The following HNRNPUL1 variants were observed in gnomAD, a reference collection of about 807,000 sequenced individuals.
The protein encoded by HNRNPUL1 is heterogeneous nuclear ribonucleoprotein U like 1, also known as heterogeneous nuclear ribonucleoprotein U-like protein 1.
In HNRNPUL1, 14 loss-of-function variants were observed where a neutral mutation model predicts 108.5. The ratio of observed to expected loss-of-function variants is 0.13; its 90% confidence interval spans 0.09 to 0.20. The LOEUF (loss-of-function observed/expected upper bound fraction) is 0.20, where lower values mean the gene tolerates loss of function less well. Among genes scored for constraint, HNRNPUL1 ranks in the 10% least tolerant of loss-of-function variants. The probability of loss-of-function intolerance (pLI) is 1.00; values close to 1 mark genes in which losing one functional copy is unlikely to be tolerated. For missense variants in HNRNPUL1, 804 were observed against 1,168.3 expected (o/e 0.69, Z 4.55); for synonymous variants, 422 against 445.2 (o/e 0.95, Z 0.66).
chr19:41,294,285 C>G lies in HNRNPUL1; in HGVS notation c.1267-53C>G. 6.2e-7 allele frequency: 1 copy of G among 1,602,380 alleles called. No homozygotes were observed. Among genetic ancestry groups the G allele is most frequent in the Non-Finnish European group, 8.5e-7 (1 of 1,172,234 alleles). ...GTCACACTCACAGTCACCACCGAGC[C>G]AAGTGGTGCCATACCACCATGCCGC... On this transcript the variant is annotated intron_variant, in intron 8 of 14. Transcript: ENST00000392006. The surrounding 1 kb of genome is among the most constrained non-coding windows in gnomAD (Gnocchi z 4.3).
At chr19:41,281,376 C>G (rs1051731601) in intron 7 of HNRNPUL1, 101 bp downstream of exon 7, 11 of 720,026 alleles carry the variant, frequency 1.5e-5, no homozygotes, top group Non-Finnish European at 2.5e-5. Flanking sequence ...TATCCAGCCA[C>G]TCTCGCCATA....
intron 7 of HNRNPUL1, among the ~76,000 whole-genome samples, chr19:41,284,763 C>T (rs2036113659): frequency 1.3e-5 from 2 of 152,030 alleles, no homozygotes; most frequent in African/African-American, 2.4e-5. Context: ...TTTGGGCGGC[C>T]AAGGAGGGCA....
intron 3 of HNRNPUL1, among the ~76,000 whole-genome samples, chr19:41,273,083 G>C (rs191048398): frequency 6.6e-6 from 1 of 152,208 alleles, no homozygotes; most frequent in Admixed American, 6.5e-5. Context: ...CCTCATATGG[G>C]GTTCTTCCAC....
At chr19:41,271,643 T>A (rs1023228238) in intron 2 of HNRNPUL1, among the ~76,000 whole-genome samples, 1 of 152,192 alleles carries the variant, frequency 6.6e-6, no homozygotes, top group African/African-American at 2.4e-5. Flanking sequence ...TATCCCATCC[T>A]GACTTTCTGT....
intron 5 of HNRNPUL1, among the ~76,000 whole-genome samples, chr19:41,277,224 T>C (rs2035618899): frequency 6.6e-6 from 1 of 152,244 alleles, no homozygotes; most frequent in African/African-American, 2.4e-5. Flanking sequence ...TACCTGTGGT[T>C]TGTGTATCCA....
At chr19:41,288,072 C>CA (rs913427887) in intron 7 of HNRNPUL1, among the ~76,000 whole-genome samples, 8 of 149,396 alleles carry the variant, frequency 5.4e-5, no homozygotes, top group Non-Finnish European at 8.9e-5. Flanking sequence ...ATAGGGTTTC[C>CA]AAAAAAAAAT....
intron 10 of HNRNPUL1, among the ~76,000 whole-genome samples, chr19:41,296,428 CT>C (rs2036900214): frequency 6.6e-6 from 1 of 152,174 alleles, no homozygotes; most frequent in Non-Finnish European, 1.5e-5. Context: ...GCCAAGAGAT[CT>C]TGGCCAACAA....
intron 2 of HNRNPUL1, 108 bp downstream of exon 2, chr19:41,268,453 T>C: frequency 8.3e-7 from 1 of 1,207,294 alleles, no homozygotes; most frequent in Non-Finnish European, 1.1e-6. Flanking sequence ...TCTTTTTTCT[T>C]GGGCAGTTCA....
chr19:41,297,279 A>G (rs977859435), intron 10 of HNRNPUL1, among the ~76,000 whole-genome samples: 3 of 152,166 alleles, frequency 2.0e-5, no homozygotes, highest in Admixed American at 1.3e-4. Context: ...GGTTGGGGCC[A>G]TGGTGGGAAT....
At position 41,276,384 on chromosome 19, in the gene HNRNPUL1, A is replaced by G. The variant is rs1014298530; in HGVS notation, c.786+86A>G. On this transcript the variant is annotated intron_variant, in intron 5 of 14. Transcript: ENST00000392006. Reference sequence around the variant, plus strand: ...ACCAGCCACCTTGGTCAGAGCTGCAACTGCAAAAGAGATTGGATTGTGCAA... The same window carrying G: ...ACCAGCCACCTTGGTCAGAGCTGCAGCTGCAAAAGAGATTGGATTGTGCAA... 1.8e-5 allele frequency: 26 copies of G among 1,430,838 alleles called. 1 individual carries two copies. In the South Asian group the frequency reaches 3.2e-4, roughly 17 times the overall value. The allele number at this position is 1,430,838 out of a possible 1,614,324, so 88.6% of individuals were successfully genotyped here.
intron 11 of HNRNPUL1, 87 bp from the exon 12 acceptor site, chr19:41,302,578 G>C: frequency 6.6e-7 from 1 of 1,507,370 alleles, no homozygotes; most frequent in South Asian, 1.1e-5. Flanking sequence ...CCTTCTGGAA[G>C]GCCACTCTTC....
chr19:41,279,971 G>GTA (rs2035809544), intron 6 of HNRNPUL1, among the ~76,000 whole-genome samples: 1 of 152,070 alleles, frequency 6.6e-6, no homozygotes, highest in African/African-American at 2.4e-5. Flanking sequence ...GCAGCTTTTT[G>GTA]ACTACTGCAT....
intron 11 of HNRNPUL1, among the ~76,000 whole-genome samples, chr19:41,302,214 G>T (rs61608686): frequency 5.8e-4 from 54 of 92,420 alleles, no homozygotes; most frequent in South Asian, 9.0e-4. Context: ...CTCTCTCTCT[G>T]TTTTTTTTTT....
At chr19:41,274,115 CT>C in intron 4 of HNRNPUL1, 60 bp downstream of exon 4, 2 of 1,390,020 alleles carry the variant, frequency 1.4e-6, no homozygotes, top group Non-Finnish European at 1.0e-6. Context: ...AAATTGTGGT[CT>C]TGACCTTCAC....
chr19:41,291,991 A>G, intron 7 of HNRNPUL1: 3 of 441,852 alleles, frequency 6.8e-6, no homozygotes, highest in Non-Finnish European at 1.2e-5. Context: ...AAAAAAAAAA[A>G]AACAAAAAAA....
chr19:41,302,772 C>T lies in HNRNPUL1; in HGVS notation c.1795C>T (p.Arg599Cys), dbSNP rs1456226114. 3.7e-6 allele frequency: 6 copies of T among 1,613,586 alleles called. No individual in the cohort carries two copies. Among genetic ancestry groups the T allele is most frequent in the Admixed American group, 3.3e-5 (2 of 60,012 alleles). ...AGTGAGGCAGTACAACGAGGAAGGCCGCAAGGCTGGGCCACCCCCTGAAAA... is the reference window on the plus strand; with the variant it reads ...AGTGAGGCAGTACAACGAGGAAGGCTGCAAGGCTGGGCCACCCCCTGAAAA... ...KLVRQYNEEG[R>C]KAGPPPEKRF... Residue 599 changes from arginine to cysteine, a missense_variant, in exon 12 of 15, where the codon CGC becomes TGC. Coordinates refer to ENST00000392006, the MANE Select transcript of HNRNPUL1 (RefSeq NM_007040.6).
chr19:41,268,102 ATAT>A (rs1205867614), intron 1 of HNRNPUL1, 118 bp from the exon 2 acceptor site: 5 of 930,418 alleles, frequency 5.4e-6, no homozygotes, highest in South Asian at 5.2e-5. Context: ...TGAATAGTTA[ATAT>A]TATTATTCTT....
chr19:41,305,792 C>G lies in HNRNPUL1; in HGVS notation c.2379C>G (p.Asn793Lys). 1 of 1,611,850 alleles carries G rather than the reference C, an allele frequency of 6.2e-7. No individual in the cohort carries two copies. The highest frequency in any genetic ancestry group is 8.5e-7 in the Non-Finnish European group (1 of 1,178,292). Residue 793 changes from asparagine to lysine, a missense_variant, in exon 14 of 15, where the codon AAC (asparagine) becomes AAG (lysine). Around this residue, in one of 4 missense-constraint regions of HNRNPUL1, gnomAD observed 294 missense variants for 388.3 expected, o/e 0.76. Transcript: ENST00000392006. ...AYNYGSYGGY[N>K]PAPYTPPPPP... is the part of the protein sequence containing the mutation. The stretch of plus-strand genomic sequence containing the variant: ...ACTATGGGAGCTACGGCGGTTACAA[C>G]CCGGCCCCCTATACCCCACCGCCAC...
rs1213210425 is a variant in HNRNPUL1, at chr19:41,294,088, T to G, written c.1267-250T>G. The stretch of plus-strand genomic sequence containing the variant: ...TTTTCCCCCGAAAGTCCTGGGATTA[T>G]AGGCGTGAGCTACCGTGCCTGGCCA... On this transcript the variant is annotated intron_variant, in intron 8 of 14. Transcript: ENST00000392006. This position sits in a 1 kb window ranked among gnomAD's most constrained non-coding sequence, Gnocchi z 4.3. Among the ~76,000 whole-genome samples the G allele has an allele frequency of 2.0e-5, 3 of 152,164 alleles. No individual in the cohort carries two copies. The highest frequency in any genetic ancestry group is 4.4e-5 in the Non-Finnish European group (3 of 68,020).
Sources: allele counts gnomAD v4.1 joint callset (sites outside exome capture counted in the v4.1 genomes callset), GRCh38; gene constraint gnomAD v4.1.1; regional missense constraint gnomAD v4.1.1; non-coding constraint Gnocchi (gnomAD v3.1); transcripts MANE v1.5; gene names NCBI Gene and HGNC (gene_info 2026-07-23, HGNC 2026-07-21).